RELA: variants seen among roughly 807,000 people sequenced by gnomAD.
RELA encodes the protein RELA proto-oncogene, NF-kB subunit.
RELA carries 14 observed loss-of-function variants against 56.7 expected under a neutral mutation model. The observed-to-expected ratio is 0.25, with a 90% CI of 0.16 to 0.39. RELA has a LOEUF of 0.39. Ranked by LOEUF, RELA falls within the 10% of genes least tolerant of loss-of-function variation. The pLI is 1.00. For synonymous variants in RELA, 315 were observed against 289.7 expected (o/e 1.09, Z -0.89); for missense variants, 559 against 736.4 (o/e 0.76, Z 2.79).
chr11:65,654,753 C>A lies in RELA; in HGVS notation c.1281G>T (p.Lys427Asn). The change falls in exon 11 of 11, where the codon AAG becomes AAT. Residue 427 changes from lysine to asparagine, a missense_variant. Physicochemically the swap from Lys to Asn is moderately conservative, Grantham distance 94 (BLOSUM62 0). Transcript: ENST00000406246. ...GCGTTCCTTCCCCAGCCTGGGTGGGCTTGGGGGCAGGTGGGGCCACAGCCT... is the reference window on the plus strand; with the variant it reads ...GCGTTCCTTCCCCAGCCTGGGTGGGATTGGGGGCAGGTGGGGCCACAGCCT... ...PPQAVAPPAP[K>N]PTQAGEGTLS... 6.6e-7 allele frequency: 1 copy of A among 1,508,924 alleles called. No homozygotes were observed. Among genetic ancestry groups the A allele is most frequent in the Non-Finnish European group, 8.9e-7 (1 of 1,128,370 alleles). The allele number at this position is 1,508,924 out of a possible 1,614,324, so 93.5% of individuals were successfully genotyped here. A position where few individuals can be genotyped will look rare whatever the true frequency, so the allele number is the denominator to read the frequency against.
chr11:65,656,020 G>T, intron 8 of RELA, 85 bp from the exon 9 acceptor site: 1 of 1,150,558 alleles, frequency 8.7e-7, no homozygotes. Context: ...AGGAAGGGGA[G>T]GAGCCAGGCT....
intron 6 of RELA, among the ~76,000 whole-genome samples, chr11:65,659,296 A>G (rs543845272): frequency 2.3e-4 from 35 of 152,254 alleles, no homozygotes; most frequent in African/African-American, 8.2e-4. Context: ...AGTCAGCCCA[A>G]TTCATCTGTG....
chr11:65,659,857 G>C (rs1378817983), intron 5 of RELA, 60 bp from the exon 6 acceptor site: 1 of 1,555,322 alleles, frequency 6.4e-7, no homozygotes, highest in Admixed American at 1.8e-5. Flanking sequence ...TGCTATCAGT[G>C]GGGGCAGGGA....
At chr11:65,655,447 C>T (rs2135551820) in intron 10 of RELA, 1 of 592,306 alleles carries the variant, frequency 1.7e-6, no homozygotes, top group East Asian at 2.8e-5. Context: ...GAGATGAGAG[C>T]AGAGATTCTG....
intron 10 of RELA, 107 bp from the exon 11 acceptor site, chr11:65,655,107 A>G: frequency 1.1e-6 from 1 of 897,384 alleles, no homozygotes; most frequent in Non-Finnish European, 1.8e-6. Context: ...ATCCCTCTCT[A>G]GGGAGTCACT....
upstream of RELA, among the ~76,000 whole-genome samples, chr11:65,663,666 G>A (rs527453067): frequency 3.9e-5 from 6 of 152,334 alleles, no homozygotes; most frequent in South Asian, 8.3e-4. Flanking sequence ...CTGAAGCCTG[G>A]CGCTTGTGTC....
Position 65,658,278 on chromosome 11 carries a change from G to C in RELA, c.877+9C>G, listed in dbSNP as rs1192349127. ...CAGCTGCCCTGATGCTGCCACCCCA[G>C]CTGTGTACCTGTATCTGGCAGGTAC... On this transcript the variant is annotated intron_variant, in intron 8 of 10. Transcript: ENST00000406246. This position sits in a 1 kb window ranked among gnomAD's most constrained non-coding sequence, Gnocchi z 4.5. 12 of 1,575,084 alleles carry C rather than the reference G, an allele frequency of 7.6e-6. No individual in the cohort carries two copies. Among genetic ancestry groups the C allele is most frequent in the Non-Finnish European group, 1.0e-5 (12 of 1,159,614 alleles).
rs989029826 is a variant in RELA, at chr11:65,658,106, C to T, written c.877+181G>A. 6.6e-6 allele frequency among the ~76,000 whole-genome samples: 1 copy of T among 152,222 alleles called. No individual in the cohort carries two copies. Among genetic ancestry groups the T allele is most frequent in the African/African-American group, 2.4e-5 (1 of 41,446 alleles). On this transcript the variant is annotated intron_variant, in intron 8 of 10. Transcript: ENST00000406246. This position sits in a 1 kb window ranked among gnomAD's most constrained non-coding sequence, Gnocchi z 4.5. ...CTGGAATAGGGGCAGATGTGTAGTA[C>T]TAGCTCAATGTCTGAGGTATCATTA...
chr11:65,663,801 C>T (rs1226866115), upstream of RELA, among the ~76,000 whole-genome samples: 1 of 151,918 alleles, frequency 6.6e-6, no homozygotes, highest in Non-Finnish European at 1.5e-5. Flanking sequence ...GTCATGTGAC[C>T]CCACAGTGCA....
At chr11:65,661,037 TAAAAA>T (rs34431664) in intron 4 of RELA, among the ~76,000 whole-genome samples, 2 of 109,258 alleles carry the variant, frequency 1.8e-5, no homozygotes, top group Non-Finnish European at 1.8e-5. Flanking sequence ...GACTCTTTCT[TAAAAA>T]AAAAAAAAAA....
intron 5 of RELA, 128 bp from the exon 6 acceptor site, chr11:65,659,925 G>A: frequency 3.0e-6 from 4 of 1,318,398 alleles, no homozygotes; most frequent in South Asian, 1.4e-5. Flanking sequence ...AGAGGAGGCA[G>A]AACCCAGCAC....
At chr11:65,663,645 G>T (rs956748542), upstream of RELA, among the ~76,000 whole-genome samples, 1 of 152,316 alleles carries the variant, frequency 6.6e-6, no homozygotes, top group East Asian at 1.9e-4. Context: ...GTAAATCCCG[G>T]AGCCTCGTCT....
Position 65,661,838 on chromosome 11 carries a change from G to C in RELA, c.187-3C>G. 6.2e-7 allele frequency: 1 copy of C among 1,608,372 alleles called. No individual in the cohort carries two copies. Among genetic ancestry groups the C allele is most frequent in the African/African-American group, 1.3e-5 (1 of 74,910 alleles). ...CCTGGTCCTGTGTAGCCATTGATCTGTCCAAAGTACAGAGGCCCAGACATC... is the reference window on the plus strand; with the variant it reads ...CCTGGTCCTGTGTAGCCATTGATCTCTCCAAAGTACAGAGGCCCAGACATC... On this transcript the variant is annotated splice_polypyrimidine_tract_variant and splice_region_variant and intron_variant, in intron 3 of 10. Coordinates refer to ENST00000406246, the MANE Select transcript of RELA (RefSeq NM_021975.4).
At position 65,661,707 on chromosome 11, in the gene RELA, G is replaced by A. The variant is rs772326526; in HGVS notation, c.315C>T (p.Cys105=). The A allele has an allele frequency of 6.2e-7, 1 of 1,605,800 alleles. No individual in the cohort carries two copies. Among genetic ancestry groups the A allele is most frequent in the Non-Finnish European group, 8.5e-7 (1 of 1,175,314 alleles). ...CRDGFYEAEL[C]PDRCIHSFQN... ...CTCACCTGTGGATGCAGCGGTCCGG[G>A]CAGAGCTCAGCCTCATAGAAGCCAT... Residue 105 remains cysteine (C), a synonymous_variant, in exon 4 of 11, where the codon TGC becomes TGT. Transcript: ENST00000406246.
Position 65,658,529 on chromosome 11 carries a change from AGT to A in RELA, c.665-32_665-31del. On this transcript the variant is annotated intron_variant, in intron 7 of 10. Transcript: ENST00000406246. The surrounding 1 kb of genome is among the most constrained non-coding windows in gnomAD (Gnocchi z 4.5). ...AGGAGATGCGGTGGCAGTGTGGGTCAGTGTGTCTAACCCTCCATGGTCTCCCC... is the reference window on the plus strand; with the variant it reads ...AGGAGATGCGGTGGCAGTGTGGGTCAGTGTCTAACCCTCCATGGTCTCCCC... 1 of 1,555,744 alleles carries A rather than the reference AGT, an allele frequency of 6.4e-7. No homozygotes were observed. Among genetic ancestry groups the A allele is most frequent in the Non-Finnish European group, 8.8e-7 (1 of 1,136,460 alleles).
At chr11:65,656,104 C>T (rs1403921054) in intron 8 of RELA, 169 bp from the exon 9 acceptor site, 1 of 695,024 alleles carries the variant, frequency 1.4e-6, no homozygotes, top group East Asian at 2.7e-5. Context: ...TCTGAGAATC[C>T]CACAGCTTTT....
chr11:65,660,542 T>C (rs2135567073), intron 4 of RELA: 1 of 326,914 alleles, frequency 3.1e-6, no homozygotes, highest in Middle Eastern at 8.8e-4. Context: ...TTTTCCTACT[T>C]CTCTCCTCCT....
Position 65,654,093 on chromosome 11 carries a change from G to A in RELA, c.*285C>T. On this transcript the variant is annotated 3_prime_UTR_variant, in exon 11 of 11. Coordinates refer to ENST00000406246, the MANE Select transcript of RELA (RefSeq NM_021975.4). Reference sequence around the variant, plus strand: ...TGGAGGATGGGGATGGGGGACCCCAGAGTTCCCTACAGAGAAGGGAGCTGA... The same window carrying A: ...TGGAGGATGGGGATGGGGGACCCCAAAGTTCCCTACAGAGAAGGGAGCTGA... 4.3e-6 allele frequency: 2 copies of A among 469,376 alleles called. No individual in the cohort carries two copies. Among genetic ancestry groups the A allele is most frequent in the Admixed American group, 6.8e-5 (2 of 29,360 alleles). 29.1% of individuals were successfully genotyped at this position (469,376 alleles called of 1,614,324 possible).
At chr11:65,662,286 G>A in intron 1 of RELA, 81 bp from the exon 2 acceptor site, 6 of 1,429,520 alleles carry the variant, frequency 4.2e-6, no homozygotes, top group Admixed American at 3.0e-5. Flanking sequence ...ACGGAGAGGA[G>A]AAGCCAGGCT....
Sources: gnomAD v4.1 joint callset for allele counts (sites outside exome capture counted in the v4.1 genomes callset) on GRCh38, gnomAD v4.1.1 for gene constraint, Gnocchi (gnomAD v3.1) non-coding constraint, MANE v1.5 for transcripts, NCBI Gene and HGNC (gene_info 2026-07-23, HGNC 2026-07-21) for gene names.